Variants in WDTC1 observed in about 807,000 individuals in gnomAD.
WDTC1 encodes the protein WD and tetratricopeptide repeats protein 1.
WDTC1 carries 12 observed loss-of-function variants against 76.0 expected under a neutral mutation model. That is an observed-to-expected ratio of 0.16 (90% CI 0.10 to 0.26). WDTC1 has a LOEUF of 0.26. WDTC1 is among the 10% of genes least tolerant of loss of function. The pLI is 1.00. For synonymous variants in WDTC1, 326 were observed against 350.8 expected, an observed-to-expected ratio of 0.93 and a Z score of 0.79; for missense variants, 511 against 908.8, an observed-to-expected ratio of 0.56 and a Z score of 5.63.
At chr1:27,289,429 C>T (rs1435315944) in intron 6 of WDTC1, among the ~76,000 whole-genome samples, 2 of 150,806 alleles carry the variant, frequency 1.3e-5, no homozygotes, top group African/African-American at 4.9e-5. Context: ...AGACGATGGG[C>T]GGCCGGGCAG....
intron 1 of WDTC1, among the ~76,000 whole-genome samples, chr1:27,258,242 A>C (rs2012348702): frequency 6.6e-6 from 1 of 151,746 alleles, no homozygotes; most frequent in East Asian, 2.0e-4. Flanking sequence ...AATTACAAAA[A>C]AAAAAAATGG....
intron 1 of WDTC1, among the ~76,000 whole-genome samples, chr1:27,249,163 G>A (rs940103494): frequency 4.0e-5 from 6 of 151,776 alleles, no homozygotes; most frequent in East Asian, 1.9e-4. Flanking sequence ...CAGCTACTCC[G>A]GAGGCTGAGG....
chr1:27,245,830 A>C (rs1169271604), intron 1 of WDTC1, among the ~76,000 whole-genome samples: 1 of 151,412 alleles, frequency 6.6e-6, no homozygotes, highest in Non-Finnish European at 1.5e-5. Context: ...GGCCTCCCAG[A>C]AAGTGCTGGG....
chr1:27,280,600 T>G (rs1412298921), intron 3 of WDTC1, among the ~76,000 whole-genome samples: 1 of 152,270 alleles, frequency 6.6e-6, no homozygotes, highest in East Asian at 1.9e-4. Flanking sequence ...TGCTGTTTTT[T>G]AAGAAGTTAG....
chr1:27,269,910 T>TTTG (rs151248965), intron 3 of WDTC1, among the ~76,000 whole-genome samples: 2,337 of 146,690 alleles, frequency 0.016, 79 homozygotes, highest in African/African-American at 0.056. Context: ...ACGCCCGGCC[T>TTTG]TTGTTGTTGT....
rs1296693100 is a variant in WDTC1, at chr1:27,306,074, C to T, written c.1837-112C>T. 3.3e-6 allele frequency: 4 copies of T among 1,206,454 alleles called. No individual in the cohort carries two copies. The African/African-American group carries it at 6.0e-5, about 18-fold the overall frequency. The allele number at this position is 1,206,454 out of a possible 1,614,324, so 74.7% of individuals were successfully genotyped here. On this transcript the variant is annotated intron_variant, in intron 15 of 15. Transcript: ENST00000319394. This position sits in a 1 kb window ranked among gnomAD's most constrained non-coding sequence, Gnocchi z 5.0. Reference sequence around the variant, plus strand: ...TACACCTCCTGGCATGTATGTGTACCTCCCCCTATAGATAGTTTAGTCTGT... The same window carrying T: ...TACACCTCCTGGCATGTATGTGTACTTCCCCCTATAGATAGTTTAGTCTGT...
rs891009695 is a variant in WDTC1 at position 27,281,439 on chromosome 1, CAAAAAAA to C, written c.133-786_133-780del. On this transcript the variant is annotated intron_variant, in intron 3 of 15. Coordinates refer to ENST00000319394, the MANE Select transcript of WDTC1 (RefSeq NM_001276252.2). Reference sequence around the variant, plus strand: ...ACTGCACTCCAGCCTGACTCTGTCTCAAAAAAAAAAAAAAAAAAAATGCTGGGTGAAT... The same window carrying C: ...ACTGCACTCCAGCCTGACTCTGTCTCAAAAAAAAAAAAATGCTGGGTGAAT... 4.6e-3 allele frequency among the ~76,000 whole-genome samples: 280 copies of C among 61,282 alleles called. 1 individual carries two copies. The highest frequency in any genetic ancestry group is 0.016 in the African/African-American group (254 of 15,914). The allele number at this position is 61,282 out of a possible 152,430, so 40.2% of individuals were successfully genotyped here.
rs1332835662 is a variant in WDTC1 at position 27,301,683 on chromosome 1, C to G, written c.1468+222C>G. Among the ~76,000 whole-genome samples, 1 of 152,092 alleles carries G rather than the reference C, an allele frequency of 6.6e-6. No individual in the cohort carries two copies. Among genetic ancestry groups the G allele is most frequent in the East Asian group, 1.9e-4 (1 of 5,188 alleles). On this transcript the variant is annotated intron_variant, in intron 13 of 15. Coordinates refer to ENST00000319394, the MANE Select transcript of WDTC1 (RefSeq NM_001276252.2). The surrounding 1 kb of genome is among the most constrained non-coding windows in gnomAD (Gnocchi z 5.8). Reference sequence around the variant, plus strand: ...CCCACTGAGCGTTTCTATTGAGGATCAGCATGTTTAAATGGCATGTTTAAA... The same window carrying G: ...CCCACTGAGCGTTTCTATTGAGGATGAGCATGTTTAAATGGCATGTTTAAA...
At chr1:27,283,945 C>T (rs748323499) in intron 5 of WDTC1, among the ~76,000 whole-genome samples, 12 of 152,202 alleles carry the variant, frequency 7.9e-5, no homozygotes, top group Middle Eastern at 3.4e-3. Context: ...AAAGTCTGTG[C>T]CCAGTGCTTT....
At chr1:27,234,589 G>T (rs1557469439), upstream of WDTC1, 4 of 391,988 alleles carry the variant, frequency 1.0e-5, 1 homozygote, top group Middle Eastern at 1.9e-3. Context: ...CGGCTGCGAG[G>T]CGCAGGGCGG....
chr1:27,308,275 G>C lies in WDTC1; in HGVS notation c.*1892G>C, dbSNP rs1261809532. ...CTGGTGGCATTTGTGGGGTGCAGAT[G>C]GGTCTTGGAACCAAAGTGAGGGCAC... On this transcript the variant is annotated 3_prime_UTR_variant, in exon 16 of 16. Coordinates refer to ENST00000319394, the MANE Select transcript of WDTC1 (RefSeq NM_001276252.2). 6.6e-6 allele frequency: 1 copy of C among 152,328 alleles called. No homozygotes were observed. The highest frequency in any genetic ancestry group is 1.9e-4 in the East Asian group (1 of 5,196). 9.4% of individuals were successfully genotyped at this position (152,328 alleles called of 1,614,324 possible). A position where few individuals can be genotyped will look rare whatever the true frequency, so the allele number is the denominator to read the frequency against.
chr1:27,249,437 G>A (rs2011962382), intron 1 of WDTC1, among the ~76,000 whole-genome samples: 1 of 152,042 alleles, frequency 6.6e-6, no homozygotes, highest in Non-Finnish European at 1.5e-5. Context: ...TATTTTTAGA[G>A]TTCCCCTATG....
chr1:27,240,982 A>AAC (rs1553127584), intron 1 of WDTC1, among the ~76,000 whole-genome samples: 3 of 151,456 alleles, frequency 2.0e-5, no homozygotes, highest in African/African-American at 7.3e-5. Context: ...CAAAAAAAAA[A>AAC]AACAAAAAAA....
chr1:27,298,898 G>A (rs1297604885), intron 12 of WDTC1, among the ~76,000 whole-genome samples: 1 of 152,346 alleles, frequency 6.6e-6, no homozygotes, highest in East Asian at 1.9e-4. Flanking sequence ...AACTCGGCAG[G>A]CCAGAGAGGG....
At chr1:27,260,564 A>G (rs1292229863) in intron 1 of WDTC1, among the ~76,000 whole-genome samples, 1 of 152,194 alleles carries the variant, frequency 6.6e-6, no homozygotes, top group African/African-American at 2.4e-5. Flanking sequence ...GCTGAGGATC[A>G]GAGATTTGAA....
At chr1:27,249,890 C>T (rs985320049) in intron 1 of WDTC1, among the ~76,000 whole-genome samples, 1 of 152,092 alleles carries the variant, frequency 6.6e-6, no homozygotes, top group African/African-American at 2.4e-5. Flanking sequence ...TAAATACATT[C>T]TTGCACAGAT....
At chr1:27,300,614 A>G (rs1275429378) in intron 12 of WDTC1, among the ~76,000 whole-genome samples, 1 of 152,134 alleles carries the variant, frequency 6.6e-6, no homozygotes, top group East Asian at 1.9e-4. Context: ...ATCAGCTTCC[A>G]GAGAGCTGAC....
rs1337582025 is a variant in WDTC1 at position 27,257,240 on chromosome 1, CCACAGCAGCCTT to C, written c.-99-3714_-99-3703del. Among the ~76,000 whole-genome samples, 4 of 152,224 alleles carry C rather than the reference CCACAGCAGCCTT, an allele frequency of 2.6e-5. No individual in the cohort carries two copies. In the East Asian group the frequency reaches 7.7e-4, roughly 29 times the overall value. Reference sequence around the variant, plus strand: ...TGACTTACATTGTTTCATTTGAGCTCCACAGCAGCCTTCTAAGGAAAAGGGTATTGGGGGTAA... The same window carrying C: ...TGACTTACATTGTTTCATTTGAGCTCCTAAGGAAAAGGGTATTGGGGGTAA... On this transcript the variant is annotated intron_variant, in intron 1 of 15. Transcript: ENST00000319394.
chr1:27,286,044 C>A (rs1273096933), intron 5 of WDTC1, among the ~76,000 whole-genome samples: 1 of 113,976 alleles, frequency 8.8e-6, no homozygotes, highest in Admixed American at 1.2e-4. Context: ...TTTGCTCTGT[C>A]ACCCATGCTG....
Sources: allele counts gnomAD v4.1 joint callset (sites outside exome capture counted in the v4.1 genomes callset), GRCh38; gene constraint gnomAD v4.1.1; non-coding constraint Gnocchi (gnomAD v3.1); transcripts MANE v1.5; gene names NCBI Gene and HGNC (gene_info 2026-07-23, HGNC 2026-07-21).